BICD1: variants seen among roughly 807,000 people sequenced by gnomAD.
The protein encoded by BICD1 is protein bicaudal D homolog 1.
BICD1 carries 35 observed loss-of-function variants against 92.5 expected under a neutral mutation model. The ratio of observed to expected loss-of-function variants is 0.38; its 90% CI spans 0.29 to 0.50. The LOEUF is 0.50. Ranked by LOEUF, BICD1 falls within the 20% of genes least tolerant of loss-of-function variation. The pLI, the probability that BICD1 is intolerant of heterozygous loss-of-function variation, is 0.93. For synonymous variants in BICD1, 429 were observed against 465.1 expected (o/e 0.92, Z 1.00); for missense variants, 950 against 1,189.8 (o/e 0.80, Z 2.97).
chr12:32,187,416 G>A (rs937299270), intron 1 of BICD1, among the ~76,000 whole-genome samples: 1 of 152,172 alleles, frequency 6.6e-6, no homozygotes, highest in African/African-American at 2.4e-5. Context: ...GCTCACGTCT[G>A]TAATCTCAGC....
At chr12:32,306,256 C>G (rs1948213588) in intron 4 of BICD1, 134 bp downstream of exon 4, 1 of 1,040,098 alleles carries the variant, frequency 9.6e-7, no homozygotes, top group Admixed American at 3.0e-5. Context: ...CTTTTCTGTT[C>G]TTTTCGAGAC....
At chr12:32,357,233 G>A (rs551732911) in intron 8 of BICD1, among the ~76,000 whole-genome samples, 5 of 151,972 alleles carry the variant, frequency 3.3e-5, no homozygotes, top group East Asian at 1.9e-4. Context: ...GGCTGGTCTC[G>A]AACTCCTGAC....
chr12:32,291,539 A>T (rs60781342), intron 2 of BICD1, among the ~76,000 whole-genome samples: 22,870 of 151,108 alleles, frequency 0.15, 1,811 homozygotes, highest in East Asian at 0.22. Context: ...CAAAAAAAAA[A>T]ATATATATTA....
chr12:32,249,465 C>A (rs1946472815), intron 2 of BICD1, among the ~76,000 whole-genome samples: 1 of 152,096 alleles, frequency 6.6e-6, no homozygotes, highest in South Asian at 2.1e-4. Context: ...TTCCCCCTTA[C>A]CTAGAATGTA....
At position 32,142,496 on chromosome 12, in the gene BICD1, A is replaced by ATATATCTATCTATCTATTGG. The variant is rs1184358188; in HGVS notation, c.213+34953_213+34954insATATCTATCTATCTATTGGT. Among the ~76,000 whole-genome samples the ATATATCTATCTATCTATTGG allele has an allele frequency of 4.1e-5, 3 of 73,294 alleles. No homozygotes were observed. In the Admixed American group the frequency reaches 6.9e-4, roughly 17 times the overall value. 48.1% of individuals were successfully genotyped at this position (73,294 alleles called of 152,430 possible). ...TATCTATCTATCTATCTATTGGTCTATCTATCTAGATAAAAATAGCAGTCA... is the reference window on the plus strand; with the variant it reads ...TATCTATCTATCTATCTATTGGTCTATATATCTATCTATCTATTGGTCTATCTAGATAAAAATAGCAGTCA... On this transcript the variant is annotated intron_variant, in intron 1 of 9. Transcript: ENST00000652176.
intron 2 of BICD1, among the ~76,000 whole-genome samples, chr12:32,280,145 G>T (rs1359203889): frequency 6.6e-6 from 1 of 151,962 alleles, no homozygotes; most frequent in African/African-American, 2.4e-5. Context: ...TGCAGTATGG[G>T]TTTCACTGTA....
chr12:32,346,658 A>C (rs1938641000), intron 8 of BICD1, among the ~76,000 whole-genome samples: 1 of 19,854 alleles, frequency 5.0e-5, no homozygotes, highest in African/African-American at 1.3e-4. Flanking sequence ...ATATATATAT[A>C]CACACACACA....
intron 4 of BICD1, among the ~76,000 whole-genome samples, chr12:32,306,805 A>T (rs1194096840): frequency 6.6e-6 from 1 of 151,806 alleles, no homozygotes; most frequent in African/African-American, 2.4e-5. Context: ...ACCTGAAGTC[A>T]GGAGTTCAAG....
intron 4 of BICD1, among the ~76,000 whole-genome samples, chr12:32,319,503 T>C (rs1335560268): frequency 6.6e-6 from 1 of 152,204 alleles, no homozygotes; most frequent in African/African-American, 2.4e-5. Context: ...TCTATATTCA[T>C]AAGAGGTCTT....
intron 4 of BICD1, among the ~76,000 whole-genome samples, chr12:32,312,277 T>C (rs147308298): frequency 1.3e-5 from 2 of 152,300 alleles, no homozygotes; most frequent in African/African-American, 4.8e-5. Flanking sequence ...TAATAACAAG[T>C]ATAAACATTT....
chr12:32,121,370 A>G (rs1473588538), intron 1 of BICD1, among the ~76,000 whole-genome samples: 1 of 151,564 alleles, frequency 6.6e-6, no homozygotes, highest in Non-Finnish European at 1.5e-5. Context: ...AGGTGGGTGG[A>G]TCACTTGAGG....
At chr12:32,198,095 C>T (rs892352346) in intron 1 of BICD1, among the ~76,000 whole-genome samples, 4 of 151,806 alleles carry the variant, frequency 2.6e-5, no homozygotes, top group African/African-American at 9.7e-5. Context: ...ATCCCAGCTA[C>T]TCGGGTGGCT....
At chr12:32,199,330 G>A (rs1041033299) in intron 1 of BICD1, among the ~76,000 whole-genome samples, 2 of 152,096 alleles carry the variant, frequency 1.3e-5, no homozygotes, top group African/African-American at 4.8e-5. Flanking sequence ...GGTCACAGGG[G>A]GCCCAGGTTC....
At chr12:32,182,886 C>CTTTTTTTTTTTTTTT (rs1335811260) in intron 1 of BICD1, among the ~76,000 whole-genome samples, 3 of 80,418 alleles carry the variant, frequency 3.7e-5, no homozygotes, top group African/African-American at 1.5e-4. Flanking sequence ...TCTTTTCTTT[C>CTTTTTTTTTTTTTTT]TTTCTTTTTT....
At chr12:32,244,520 T>A (rs544763281) in intron 2 of BICD1, among the ~76,000 whole-genome samples, 1 of 152,320 alleles carries the variant, frequency 6.6e-6, no homozygotes, top group South Asian at 2.1e-4. Flanking sequence ...TCTTATTCTA[T>A]TCCTATCAAA....
intron 4 of BICD1, among the ~76,000 whole-genome samples, chr12:32,310,491 T>C (rs1948343899): frequency 6.6e-6 from 1 of 152,186 alleles, no homozygotes; most frequent in Non-Finnish European, 1.5e-5. Flanking sequence ...ATCAGACTTC[T>C]GGATGCCATC....
intron 2 of BICD1, among the ~76,000 whole-genome samples, chr12:32,233,327 A>T (rs1945952786): frequency 1.3e-5 from 2 of 149,970 alleles, no homozygotes; most frequent in South Asian, 2.1e-4. Flanking sequence ...GTCTTTAAAA[A>T]AAAAAAAAAA....
intron 2 of BICD1, among the ~76,000 whole-genome samples, chr12:32,252,866 C>A (rs1029502558): frequency 6.6e-6 from 1 of 152,006 alleles, no homozygotes; most frequent in Non-Finnish European, 1.5e-5. Context: ...CTTTTGTTTT[C>A]TTTCGTTTTT....
At chr12:32,365,275 AGAT>A (rs1011582103) in intron 8 of BICD1, among the ~76,000 whole-genome samples, 2 of 152,152 alleles carry the variant, frequency 1.3e-5, no homozygotes, top group African/African-American at 4.8e-5. Flanking sequence ...TATTAGCCAG[AGAT>A]GATGTTACTT....
Sources: gnomAD v4.1 joint callset for allele counts (sites outside exome capture counted in the v4.1 genomes callset) on GRCh38, gnomAD v4.1.1 for gene constraint, MANE v1.5 for transcripts, NCBI Gene and HGNC (gene_info 2026-07-23, HGNC 2026-07-21) for gene names.